The following SEM1 variants were observed in gnomAD, a reference collection of about 807,000 sequenced individuals.
The protein encoded by SEM1 is SEM1 26S proteasome subunit.
In SEM1, 3 loss-of-function variants were observed where a neutral mutation model predicts 12.7. That is an observed-to-expected ratio of 0.24 (90% CI 0.11 to 0.61). SEM1 has a LOEUF of 0.61. Among genes scored for constraint, SEM1 ranks in the 20% least tolerant of loss-of-function variants. The pLI, the probability that SEM1 is intolerant of heterozygous loss-of-function variation, is 0.88. For synonymous variants in SEM1, 30 were observed against 27.8 expected (o/e 1.08, Z -0.25); for missense variants, 59 against 81.3 (o/e 0.73, Z 1.06).
At chr7:96,545,131 C>T (rs530313937) in intron 2 of SEM1, among the ~76,000 whole-genome samples, 2 of 151,938 alleles carry the variant, frequency 1.3e-5, no homozygotes, top group Admixed American at 6.6e-5. Context: ...AGTGGATGCA[C>T]CCCTTTTTAG....
At chr7:96,686,951 A>AAAC (rs1360092199), downstream of SEM1, among the ~76,000 whole-genome samples, 1 of 151,776 alleles carries the variant, frequency 6.6e-6, no homozygotes, top group Non-Finnish European at 1.5e-5. Flanking sequence ...AGAAAAAAAC[A>AAAC]AACCCCATCA....
intron 1 of SEM1, among the ~76,000 whole-genome samples, chr7:96,701,194 G>A (rs2115974780): frequency 6.6e-6 from 1 of 152,196 alleles, no homozygotes; most frequent in African/African-American, 2.4e-5. Context: ...GCCAGACTCT[G>A]TTTACATATG....
intron 2 of SEM1, among the ~76,000 whole-genome samples, chr7:96,599,378 T>C (rs1807118268): frequency 6.6e-6 from 1 of 150,580 alleles, no homozygotes; most frequent in Non-Finnish European, 1.5e-5. Context: ...AAACCCAGAG[T>C]AATAATAAAT....
chr7:96,694,776 A>G (rs942339658), intron 2 of SEM1, 22 bp downstream of exon 2: 34 of 1,468,164 alleles, frequency 2.3e-5, no homozygotes, highest in Non-Finnish European at 3.0e-5. Flanking sequence ...GAACTACAAT[A>G]AAAATCTGGC....
chr7:96,630,203 T>C (rs546496746), intron 2 of SEM1, among the ~76,000 whole-genome samples: 7 of 152,218 alleles, frequency 4.6e-5, no homozygotes, highest in Non-Finnish European at 1.0e-4. Flanking sequence ...CAGGCCTGTG[T>C]TCTTCCTTTC....
At position 96,493,125 on chromosome 7, in the gene SEM1, C is replaced by T. The variant is rs565659417; in HGVS notation, c.12+3159G>A. ...AGTAGTTGGGTTATAGCCACATACC[C>T]GGCTAATTTTTGTATTTTTAGTAGA... On this transcript the variant is annotated intron_variant, in intron 1 of 3. Transcript: ENST00000356686. 1.3e-4 allele frequency among the ~76,000 whole-genome samples: 20 copies of T among 152,046 alleles called. No homozygotes were observed. In the South Asian group the frequency reaches 3.3e-3, roughly 25 times the overall value.
rs1807970251 is a variant in SEM1 at position 96,623,803 on chromosome 7, A to C, written c.171-1160T>G. Among the ~76,000 whole-genome samples, 12 of 152,212 alleles carry C rather than the reference A, an allele frequency of 7.9e-5. No individual in the cohort carries two copies. The South Asian group carries it at 2.5e-3, about 32-fold the overall frequency. The stretch of plus-strand genomic sequence containing the variant: ...AAATTTATTATCTCAAAGTTCCAGA[A>C]ACCAGAATTTTGACTGAAGTGATGT... On this transcript the variant is annotated intron_variant, in intron 2 of 2. Coordinates refer to the SEM1 transcript ENST00000417009.
chr7:96,629,640 C>T (rs1216498830), intron 2 of SEM1, among the ~76,000 whole-genome samples: 3 of 152,042 alleles, frequency 2.0e-5, no homozygotes, highest in Non-Finnish European at 4.4e-5. Context: ...TCCCTAGTGC[C>T]TTATTTAGTT....
downstream of SEM1, among the ~76,000 whole-genome samples, chr7:96,670,187 CTA>C (rs1164436347): frequency 1.3e-5 from 2 of 152,048 alleles, no homozygotes; most frequent in Admixed American, 6.6e-5. Flanking sequence ...ATAACAAAAT[CTA>C]TAATTCATAT....
intron 2 of SEM1, among the ~76,000 whole-genome samples, chr7:96,599,916 A>G (rs1405781205): frequency 6.6e-6 from 1 of 151,726 alleles, no homozygotes; most frequent in Non-Finnish European, 1.5e-5. Flanking sequence ...TTTCCTTAAG[A>G]ACATGTTAGC....
At chr7:96,550,485 G>A (rs1324034309) in intron 2 of SEM1, among the ~76,000 whole-genome samples, 1 of 152,132 alleles carries the variant, frequency 6.6e-6, no homozygotes. Flanking sequence ...GCACTCATCT[G>A]TTGGACACTC....
intron 2 of SEM1, among the ~76,000 whole-genome samples, chr7:96,604,088 G>A (rs191388366): frequency 1.8e-4 from 27 of 152,176 alleles, no homozygotes; most frequent in Admixed American, 1.5e-3. Context: ...ATCAAGACAT[G>A]AGCAAAGAAG....
intron 2 of SEM1, among the ~76,000 whole-genome samples, chr7:96,663,055 G>GT (rs140550683): frequency 0.1 from 15,117 of 149,264 alleles, 800 homozygotes; most frequent in East Asian, 0.15. Flanking sequence ...ATGTGATTTT[G>GT]TTTTTTTTTA....
At chr7:96,699,550 AACT>A (rs1161048467) in intron 1 of SEM1, among the ~76,000 whole-genome samples, 1 of 152,210 alleles carries the variant, frequency 6.6e-6, no homozygotes, top group Non-Finnish European at 1.5e-5. Context: ...CTGCATTTGC[AACT>A]ACTATTTCAT....
At chr7:96,523,017 C>T (rs147483382) in intron 2 of SEM1, among the ~76,000 whole-genome samples, 32 of 151,766 alleles carry the variant, frequency 2.1e-4, no homozygotes, top group Non-Finnish European at 4.4e-4. Context: ...TTCTGCTTAA[C>T]AATCTGTGAA....
intron 2 of SEM1, among the ~76,000 whole-genome samples, chr7:96,551,627 A>C (rs10260345): frequency 0.78 from 117,195 of 150,014 alleles, 45,910 homozygotes; most frequent in East Asian, 0.86. Flanking sequence ...ATTGCTTGAA[A>C]CTGGGAGGCG....
At chr7:96,606,693 C>A (rs74392854) in intron 2 of SEM1, among the ~76,000 whole-genome samples, 1,991 of 152,306 alleles carry the variant, frequency 0.013, 46 homozygotes, top group African/African-American at 0.046. Flanking sequence ...TGAAGCATAA[C>A]TCTTGGGCAT....
intron 2 of SEM1, among the ~76,000 whole-genome samples, chr7:96,526,399 C>G (rs1020426345): frequency 3.9e-5 from 6 of 151,928 alleles, no homozygotes; most frequent in African/African-American, 1.5e-4. Flanking sequence ...ATGGTCTCTT[C>G]TTATTCCCAA....
Position 96,541,431 on chromosome 7 carries a change from G to GGTTTTTTTTTTGTTT in SEM1, c.171-34734_171-34733insAAACAAAAAAAAAAC, listed in dbSNP as rs1554412360. 1.6e-5 allele frequency among the ~76,000 whole-genome samples: 2 copies of GGTTTTTTTTTTGTTT among 121,488 alleles called. 1 individual carries two copies. The allele number at this position is 121,488 out of a possible 152,430, so 79.7% of individuals were successfully genotyped here. ...CATGTCTTTTCCCACTTTTTAATGG[G>GGTTTTTTTTTTGTTT]TTTTTTTTTTTGTTTTTTTTTTTTT... On this transcript the variant is annotated intron_variant and NMD_transcript_variant, in intron 2 of 3. Transcript: ENST00000466986.
Sources: allele counts gnomAD v4.1 joint callset (sites outside exome capture counted in the v4.1 genomes callset), GRCh38; gene constraint gnomAD v4.1.1; transcripts MANE v1.5; gene names NCBI Gene and HGNC (gene_info 2026-07-23, HGNC 2026-07-21).